Variants in CSTF1 observed in about 807,000 individuals in gnomAD.
CSTF1 encodes the protein CF-1 50 kDa subunit.
A neutral mutation model predicts 40.9 loss-of-function variants in CSTF1; 2 were observed. That is an observed-to-expected ratio of 0.05 (90% CI 0.02 to 0.15). CSTF1 has a LOEUF of 0.15. Among genes scored for constraint, CSTF1 ranks in the 10% least tolerant of loss-of-function variants. The pLI, the probability that CSTF1 is intolerant of heterozygous loss-of-function variation, is 1.00. For synonymous variants in CSTF1, 218 were observed against 207.2 expected (o/e 1.05, Z -0.45); for missense variants, 279 against 558.9 (o/e 0.50, Z 5.05).
chr20:56,393,595 A>G (rs1455889170), intron 1 of CSTF1, among the ~76,000 whole-genome samples: 1 of 137,980 alleles, frequency 7.2e-6, no homozygotes, highest in Non-Finnish European at 1.5e-5. Context: ...AAGTCAGATG[A>G]TTAAAGCCTA....
At position 56,406,326 on chromosome 20, in the gene CSTF1, G is replaced by A. The variant is rs1277163016; in HGVS notation, c.*2599G>A. ...CCCTCTGTGTGTTTTTTTTTTTTAA[G>A]ATACGTGATTTCTGAAATAAACTTT... is the stretch of plus-strand genomic sequence containing the variant. On this transcript the variant is annotated 3_prime_UTR_variant, in exon 6 of 6. Coordinates refer to ENST00000217109, the MANE Select transcript of CSTF1 (RefSeq NM_001324.3). 3 of 150,838 alleles carry A rather than the reference G, an allele frequency of 2.0e-5. No homozygotes were observed. Among genetic ancestry groups the A allele is most frequent in the African/African-American group, 7.3e-5 (3 of 40,982 alleles). The allele number at this position is 150,838 out of a possible 1,614,324, so 9.3% of individuals were successfully genotyped here. A position where few individuals can be genotyped will look rare whatever the true frequency, so the allele number is the denominator to read the frequency against.
intron 5 of CSTF1, among the ~76,000 whole-genome samples, chr20:56,403,259 T>G (rs552048108): frequency 1.3e-5 from 2 of 151,968 alleles, no homozygotes; most frequent in Non-Finnish European, 2.9e-5. Context: ...CAAGCAGCCC[T>G]CCTTCCTCAG....
At chr20:56,402,757 A>G (rs1978514289) in intron 5 of CSTF1, among the ~76,000 whole-genome samples, 1 of 152,092 alleles carries the variant, frequency 6.6e-6, no homozygotes, top group Non-Finnish European at 1.5e-5. Context: ...CAACCTGGTG[A>G]AACCCTGTCT....
In CSTF1 at chr20:56,404,098, A is replaced by T; in HGVS notation, c.*371A>T. The T allele has an allele frequency of 1.1e-5, 2 of 184,150 alleles. No individual in the cohort carries two copies. Among genetic ancestry groups the T allele is most frequent in the East Asian group, 1.3e-4 (1 of 7,492 alleles). The allele number at this position is 184,150 out of a possible 1,614,324, so 11.4% of individuals were successfully genotyped here. A position where few individuals can be genotyped will look rare whatever the true frequency, so the allele number is the denominator to read the frequency against. ...TCAACTTTCTTGCTTATTCTGCTGA[A>T]CCCTCTGTGTATTTCCCTTCCAGGT... On this transcript the variant is annotated 3_prime_UTR_variant, in exon 6 of 6. Coordinates refer to ENST00000217109, the MANE Select transcript of CSTF1 (RefSeq NM_001324.3).
rs996797329 is a variant in CSTF1, at chr20:56,399,439, C to T, written c.1036+82C>T. 3 of 1,231,964 alleles carry T rather than the reference C, an allele frequency of 2.4e-6. No homozygotes were observed. The highest frequency in any genetic ancestry group is 2.3e-5 in the East Asian group (1 of 42,866). The allele number at this position is 1,231,964 out of a possible 1,614,324, so 76.3% of individuals were successfully genotyped here. The stretch of plus-strand genomic sequence containing the variant: ...TCTCTTTTAAGACCTCACAATAGAG[C>T]AACACAATATCTATGCATTGAGCAA... On this transcript the variant is annotated intron_variant, in intron 5 of 5. Transcript: ENST00000217109. This position sits in a 1 kb window ranked among gnomAD's most constrained non-coding sequence, Gnocchi z 4.6.
rs1234804531 is a variant in CSTF1 at position 56,405,758 on chromosome 20, C to T, written c.*2031C>T. On this transcript the variant is annotated 3_prime_UTR_variant, in exon 6 of 6. Coordinates refer to ENST00000217109, the MANE Select transcript of CSTF1 (RefSeq NM_001324.3). ...TGAACTTGGCCATCTGTGGGTGCTA[C>T]TCTCGTAAGACTAAAAGGCACCTAC... 3 of 152,194 alleles carry T rather than the reference C, an allele frequency of 2.0e-5. No homozygotes were observed. The highest frequency in any genetic ancestry group is 7.2e-5 in the African/African-American group (3 of 41,442). The allele number at this position is 152,194 out of a possible 1,614,324, so 9.4% of individuals were successfully genotyped here.
At chr20:56,402,933 A>T (rs1221403827) in intron 5 of CSTF1, among the ~76,000 whole-genome samples, 1 of 124,310 alleles carries the variant, frequency 8.0e-6, no homozygotes, top group South Asian at 2.4e-4. Flanking sequence ...GACTCTGTCT[A>T]AAAAAAAAAA....
At position 56,405,519 on chromosome 20, in the gene CSTF1, A is replaced by T. The variant is rs1978669814; in HGVS notation, c.*1792A>T. On this transcript the variant is annotated 3_prime_UTR_variant, in exon 6 of 6. Coordinates refer to ENST00000217109, the MANE Select transcript of CSTF1 (RefSeq NM_001324.3). ...CCACCACGCGCGGCCCCATCATACG[A>T]AGTTACTGAAGTTATTGCGTAAACA... is the stretch of plus-strand genomic sequence containing the variant. 1 of 152,178 alleles carries T rather than the reference A, an allele frequency of 6.6e-6. No homozygotes were observed. Among genetic ancestry groups the T allele is most frequent in the Admixed American group, 6.5e-5 (1 of 15,268 alleles). The allele number at this position is 152,178 out of a possible 1,614,324, so 9.4% of individuals were successfully genotyped here.
intron 5 of CSTF1, among the ~76,000 whole-genome samples, chr20:56,402,895 A>T (rs1295988549): frequency 6.6e-6 from 1 of 151,374 alleles, no homozygotes; most frequent in East Asian, 1.9e-4. Flanking sequence ...AGATCACGCC[A>T]CTGCACTCCA....
rs1220360785 is a variant in CSTF1 at position 56,404,982 on chromosome 20, A to G, written c.*1255A>G. On this transcript the variant is annotated 3_prime_UTR_variant, in exon 6 of 6. Transcript: ENST00000217109. ...GCCCAGCCTTCCTGAAGCTTTTTAG[A>G]ACATGACAGTACTTCTCTGGATTCA... 1.3e-5 allele frequency: 2 copies of G among 151,228 alleles called. No individual in the cohort carries two copies. Among genetic ancestry groups the G allele is most frequent in the African/African-American group, 4.9e-5 (2 of 41,074 alleles). The allele number at this position is 151,228 out of a possible 1,614,324, so 9.4% of individuals were successfully genotyped here. A position where few individuals can be genotyped will look rare whatever the true frequency, so the allele number is the denominator to read the frequency against.
In CSTF1 at chr20:56,395,831, G is replaced by A. The variant is rs9808593; in HGVS notation, c.169+110G>A. ...TTTGTTTCAGTACCTAGTATGAGCC[G>A]GGTACTTCAGTAAGTAAGTAGTTCA... On this transcript the variant is annotated intron_variant, in intron 2 of 5. Coordinates refer to ENST00000217109, the MANE Select transcript of CSTF1 (RefSeq NM_001324.3). The A allele has an allele frequency of 1.2e-4, 137 of 1,143,160 alleles. No individual in the cohort carries two copies. The African/African-American group carries it at 1.3e-3, about 11-fold the overall frequency. 70.8% of individuals were successfully genotyped at this position (1,143,160 alleles called of 1,614,324 possible). A position where few individuals can be genotyped will look rare whatever the true frequency, so the allele number is the denominator to read the frequency against.
chr20:56,402,333 A>G (rs1196264821), intron 5 of CSTF1, among the ~76,000 whole-genome samples: 1 of 151,898 alleles, frequency 6.6e-6, no homozygotes, highest in Non-Finnish European at 1.5e-5. Context: ...GAGAGAATTT[A>G]CAAGTGAGCA....
Position 56,404,492 on chromosome 20 carries a change from G to A in CSTF1, c.*765G>A, listed in dbSNP as rs1049195578. On this transcript the variant is annotated 3_prime_UTR_variant, in exon 6 of 6. Transcript: ENST00000217109. ...GCTCTCAGGTGTTGCCTGTCTTCAC[G>A]AATGATTAGTATCGATTGACCTCTT... 2 of 152,122 alleles carry A rather than the reference G, an allele frequency of 1.3e-5. No individual in the cohort carries two copies. The highest frequency in any genetic ancestry group is 2.9e-5 in the Non-Finnish European group (2 of 68,030). 9.4% of individuals were successfully genotyped at this position (152,122 alleles called of 1,614,324 possible).
chr20:56,394,838 T>C (rs1032031301), intron 1 of CSTF1, among the ~76,000 whole-genome samples: 13 of 68,820 alleles, frequency 1.9e-4, no homozygotes, highest in African/African-American at 6.4e-4. Flanking sequence ...TCCTTCCCGA[T>C]TATTACTGTT....
At chr20:56,403,073 A>G (rs758590997) in intron 5 of CSTF1, among the ~76,000 whole-genome samples, 10 of 152,246 alleles carry the variant, frequency 6.6e-5, no homozygotes, top group Non-Finnish European at 1.2e-4. Context: ...ATAGAAAAAT[A>G]TAGTGGCAAC....
At position 56,403,840 on chromosome 20, in the gene CSTF1, G is replaced by A. The variant is rs1348029294; in HGVS notation, c.*113G>A. On this transcript the variant is annotated 3_prime_UTR_variant, in exon 6 of 6. Transcript: ENST00000217109. The stretch of plus-strand genomic sequence containing the variant: ...TCCTTGACGTTTTGCTGCCACCTCT[G>A]TCCACATTCTTCTTGGATTTGTATA... 9.7e-6 allele frequency: 10 copies of A among 1,028,588 alleles called. No individual in the cohort carries two copies. Among genetic ancestry groups the A allele is most frequent in the Non-Finnish European group, 1.4e-5 (10 of 698,350 alleles). The allele number at this position is 1,028,588 out of a possible 1,614,324, so 63.7% of individuals were successfully genotyped here. A position where few individuals can be genotyped will look rare whatever the true frequency, so the allele number is the denominator to read the frequency against.
Position 56,395,717 on chromosome 20 carries a change from A to G in CSTF1, c.165A>G (p.Lys55=), listed in dbSNP as rs775307446. 1 of 1,612,886 alleles carries G rather than the reference A, an allele frequency of 6.2e-7. No homozygotes were observed. The highest frequency in any genetic ancestry group is 1.7e-5 in the Admixed American group (1 of 59,758). Reference sequence around the variant, plus strand: ...CGGAGCAGCTCCTGCATCTCATCAAACTCGGTAGATTGTGAACACAAATCC... The same window carrying G: ...CGGAGCAGCTCCTGCATCTCATCAAGCTCGGTAGATTGTGAACACAAATCC... The part of the protein sequence containing the change: ...APSEQLLHLI[K]LGMENDDTAV... Residue 55 remains lysine (K), a synonymous_variant, in exon 2 of 6, where the codon AAA becomes AAG. Coordinates refer to ENST00000217109, the MANE Select transcript of CSTF1 (RefSeq NM_001324.3).
Position 56,395,641 on chromosome 20 carries a change from T to G in CSTF1, c.89T>G (p.Ile30Ser). 1 of 1,614,180 alleles carries G rather than the reference T, an allele frequency of 6.2e-7. No homozygotes were observed. Among genetic ancestry groups the G allele is most frequent in the Non-Finnish European group, 8.5e-7 (1 of 1,180,028 alleles). ...CTGCTATATGACGGCTACATCAGCA[T>G]CGCCAATGGCCTCATCAATGAAATC... Reference protein sequence around the residue: ...SQLLYDGYISIANGLINEIKP... With the variant: ...SQLLYDGYISSANGLINEIKP... Residue 30 changes from isoleucine to serine, a missense_variant, in exon 2 of 6, where the codon ATC (isoleucine) becomes AGC (serine). Physicochemically the swap from Ile to Ser is moderately radical, Grantham distance 142 (BLOSUM62 -2). Coordinates refer to ENST00000217109, the MANE Select transcript of CSTF1 (RefSeq NM_001324.3).
At chr20:56,398,307 G>A (rs182903341) in intron 4 of CSTF1, among the ~76,000 whole-genome samples, 1 of 152,304 alleles carries the variant, frequency 6.6e-6, no homozygotes, top group East Asian at 1.9e-4. Flanking sequence ...AGTGGCTCAT[G>A]TCTGTAATCC....
Sources: gnomAD v4.1 joint callset for allele counts (sites outside exome capture counted in the v4.1 genomes callset) on GRCh38, gnomAD v4.1.1 for gene constraint, Gnocchi (gnomAD v3.1) non-coding constraint, MANE v1.5 for transcripts, NCBI Gene and HGNC (gene_info 2026-07-23, HGNC 2026-07-21) for gene names.